Variants in WT1 observed in about 807,000 individuals in gnomAD.
The protein encoded by WT1 is Wilms tumor protein.
In WT1, 8 loss-of-function variants were observed where a neutral mutation model predicts 60.8. That is an observed-to-expected ratio of 0.13 (90% confidence interval 0.08 to 0.24). The LOEUF is 0.24. Ranked by LOEUF, WT1 falls within the 10% of genes least tolerant of loss-of-function variation. The pLI, the probability that WT1 is intolerant of heterozygous loss-of-function variation, is 1.00. For synonymous variants in WT1, 312 were observed against 297.1 expected (o/e 1.05, Z -0.52); for missense variants, 568 against 711.8 (o/e 0.80, Z 2.30).
rs559948312 is a variant in WT1 at position 32,398,879 on chromosome 11, G to A, written c.1113+1069C>T. Among the ~76,000 whole-genome samples, 262 of 151,264 alleles carry A rather than the reference G, an allele frequency of 1.7e-3. 1 individual carries two copies. The highest frequency in any genetic ancestry group is 2.9e-3 in the East Asian group (15 of 5,156). On this transcript the variant is annotated intron_variant, in intron 6 of 9. Coordinates refer to ENST00000452863, the MANE Select transcript of WT1 (RefSeq NM_024426.6). Reference sequence around the variant, plus strand: ...TGACATTCTGAAAAAAGACCGAGCCGGGCACAGTGGCTCACGCCTGTAATC... The same window carrying A: ...TGACATTCTGAAAAAAGACCGAGCCAGGCACAGTGGCTCACGCCTGTAATC...
At position 32,388,571 on chromosome 11, in the gene WT1, G is replaced by C. The variant is rs958135207; in HGVS notation, c.*487C>G. The C allele has an allele frequency of 4.0e-6, 1 of 248,814 alleles. No individual in the cohort carries two copies. The highest frequency in any genetic ancestry group is 5.6e-5 in the East Asian group (1 of 17,866). The allele number at this position is 248,814 out of a possible 1,614,324, so 15.4% of individuals were successfully genotyped here. On this transcript the variant is annotated 3_prime_UTR_variant, in exon 10 of 10. Coordinates refer to ENST00000452863, the MANE Select transcript of WT1 (RefSeq NM_024426.6). ...GGAATGTTAGACAAGATTCACCCCC[G>C]ATGCCTTGCTCTCTGATTTATTTCT...
rs2295081 is a variant in WT1 at position 32,417,492 on chromosome 11, T to C, written c.965+85A>G. On this transcript the variant is annotated intron_variant, in intron 4 of 9. Coordinates refer to ENST00000452863, the MANE Select transcript of WT1 (RefSeq NM_024426.6). ...TTGCCCTTTCTTCTAAAACTGTACTTTCTTCATAAGTTCTAAGCACCTTTG... is the reference window on the plus strand; with the variant it reads ...TTGCCCTTTCTTCTAAAACTGTACTCTCTTCATAAGTTCTAAGCACCTTTG... The C allele has an allele frequency of 0.29, 363,143 of 1,265,104 alleles. 62,008 individuals are homozygous for C. The highest frequency in any genetic ancestry group is 0.69 in the East Asian group (29,260 of 42,418). 78.4% of individuals were successfully genotyped at this position (1,265,104 alleles called of 1,614,324 possible).
chr11:32,428,436 G>A (rs1378372103), intron 2 of WT1, 61 bp downstream of exon 2: 11 of 1,611,388 alleles, frequency 6.8e-6, no homozygotes, highest in Non-Finnish European at 8.5e-6. Flanking sequence ...GGAATTCCTG[G>A]GGGAGAGGAG....
At position 32,434,577 on chromosome 11, in the gene WT1, G is replaced by T. The variant is rs574508247; in HGVS notation, c.661+123C>A. 3.9e-6 allele frequency: 6 copies of T among 1,539,614 alleles called. No homozygotes were observed. The African/African-American group carries it at 8.2e-5, about 21-fold the overall frequency. ...CAGCCGCCGCTTCCGCTATCCTCAC[G>T]GCCCTTGGGAAGCAGCTGGGTAAGA... is the stretch of plus-strand genomic sequence containing the variant. On this transcript the variant is annotated intron_variant, in intron 1 of 9. Transcript: ENST00000452863.
chr11:32,392,691 G>T lies in WT1; in HGVS notation c.1329C>A (p.Leu443=). The T allele has an allele frequency of 6.2e-7, 1 of 1,614,050 alleles. No homozygotes were observed. The highest frequency in any genetic ancestry group is 1.1e-5 in the South Asian group (1 of 91,068). The change falls in exon 8 of 10, where the codon CTC becomes CTA. Residue 443 remains leucine (L), a synonymous_variant. Transcript: ENST00000452863. ...CTGTATGTCTCCTTTGGTGTCTTTT[G>T]AGCTGGTCTGAACGAGAAAACCTTC...
At position 32,393,077 on chromosome 11, in the gene WT1, A is replaced by G. The variant is rs536819214; in HGVS notation, c.1265-322T>C. On this transcript the variant is annotated intron_variant, in intron 7 of 9. Transcript: ENST00000452863. The stretch of plus-strand genomic sequence containing the variant: ...TTTATGACCTTCACATAAAGGGCTC[A>G]GCCCAGAGCCTGGCATAGAAGGCGT... Among the ~76,000 whole-genome samples, 9 of 152,362 alleles carry G rather than the reference A, an allele frequency of 5.9e-5. No individual in the cohort carries two copies. The East Asian group carries it at 1.2e-3, about 20-fold the overall frequency.
chr11:32,407,154 G>T (rs1002335809), intron 5 of WT1, among the ~76,000 whole-genome samples: 4 of 152,044 alleles, frequency 2.6e-5, no homozygotes, highest in African/African-American at 9.7e-5. Context: ...TAGAAAGTTT[G>T]CAAAAAGAGA....
At chr11:32,410,259 T>A (rs933940367) in intron 5 of WT1, among the ~76,000 whole-genome samples, 4 of 152,120 alleles carry the variant, frequency 2.6e-5, no homozygotes, top group Non-Finnish European at 5.9e-5. Flanking sequence ...ATCATTCTCA[T>A]CAGCAAACAA....
In WT1 at chr11:32,416,546, AAAG is replaced by A. The variant is rs1316773733; in HGVS notation, c.966-9_966-7del. 14 of 1,613,882 alleles carry A rather than the reference AAAG, an allele frequency of 8.7e-6. No homozygotes were observed. In the African/African-American group the frequency reaches 9.3e-5, roughly 11 times the overall value. On this transcript the variant is annotated splice_region_variant and splice_polypyrimidine_tract_variant and intron_variant, in intron 4 of 9. Coordinates refer to ENST00000452863, the MANE Select transcript of WT1 (RefSeq NM_024426.6). ...TGGAGCTCCCAGCAGCAACTCTAGAAAAGAAGAAGAGGTGGGGAGTGGGGAATG... is the reference window on the plus strand; with the variant it reads ...TGGAGCTCCCAGCAGCAACTCTAGAAAAGAAGAGGTGGGGAGTGGGGAATG...
chr11:32,429,941 C>T (rs940717648), intron 1 of WT1, among the ~76,000 whole-genome samples: 3 of 147,032 alleles, frequency 2.0e-5, no homozygotes, highest in Non-Finnish European at 3.0e-5. Context: ...GAAACACACA[C>T]GGACGCTCAT....
chr11:32,398,100 C>A (rs1044679414), intron 6 of WT1, among the ~76,000 whole-genome samples: 4 of 152,146 alleles, frequency 2.6e-5, no homozygotes, highest in African/African-American at 9.7e-5. Context: ...CTCCCTAAAC[C>A]GTCGTCAGAT....
intron 7 of WT1, among the ~76,000 whole-genome samples, chr11:32,395,888 G>C (rs554732326): frequency 6.6e-5 from 10 of 152,186 alleles, no homozygotes; most frequent in South Asian, 2.1e-4. Context: ...ATTTCACAAT[G>C]ATCTTGCCCA....
At chr11:32,392,628 G>A (rs768271212) in intron 8 of WT1, 38 bp downstream of exon 8, 1 of 1,584,810 alleles carries the variant, frequency 6.3e-7, no homozygotes, top group Non-Finnish European at 8.7e-7. Context: ...TAGCCCAAGG[G>A]AACACAGCTG....
At chr11:32,408,556 A>G in intron 5 of WT1, among the ~76,000 whole-genome samples, 2 of 150,698 alleles carry the variant, frequency 1.3e-5, no homozygotes, top group Non-Finnish European at 3.0e-5. Context: ...AAGAAAGAAA[A>G]AAGAAAAGAA....
chr11:32,434,507 C>T (rs565689607), intron 1 of WT1, among the ~76,000 whole-genome samples, 193 bp downstream of exon 1: 4 of 152,332 alleles, frequency 2.6e-5, no homozygotes, highest in East Asian at 3.9e-4. Context: ...TGGAGGATGT[C>T]GGGGGCCAGT....
At chr11:32,400,080 G>T in intron 5 of WT1, 36 bp from the exon 6 acceptor site, 1 of 1,607,712 alleles carries the variant, frequency 6.2e-7, no homozygotes, top group South Asian at 1.1e-5. Context: ...GCTCAGTGTG[G>T]CTCACAGTCG....
At chr11:32,397,378 A>G (rs1158661864) in intron 6 of WT1, among the ~76,000 whole-genome samples, 1 of 152,120 alleles carries the variant, frequency 6.6e-6, no homozygotes, top group Non-Finnish European at 1.5e-5. Context: ...GTGCAGTGGC[A>G]CGATCGGGGC....
chr11:32,411,070 C>A (rs963336262), intron 5 of WT1, among the ~76,000 whole-genome samples: 1 of 146,214 alleles, frequency 6.8e-6, no homozygotes, highest in Non-Finnish European at 1.5e-5. Flanking sequence ...CTCTCCAATA[C>A]ACACACACAC....
chr11:32,426,089 C>G (rs897340971), intron 3 of WT1, among the ~76,000 whole-genome samples: 1 of 152,150 alleles, frequency 6.6e-6, no homozygotes, highest in Non-Finnish European at 1.5e-5. Context: ...GGGTGAGTCT[C>G]GGCTTGGGAG....
Sources: allele counts gnomAD v4.1 joint callset (sites outside exome capture counted in the v4.1 genomes callset), GRCh38; gene constraint gnomAD v4.1.1; transcripts MANE v1.5; gene names NCBI Gene and HGNC (gene_info 2026-07-23, HGNC 2026-07-21).